Variants in DNAJC12 observed in about 807,000 individuals in gnomAD.
DNAJC12 encodes the protein DnaJ heat shock protein family (Hsp40) member C12.
In DNAJC12, 25 loss-of-function variants were observed where a neutral mutation model predicts 28.5. The ratio of observed to expected loss-of-function variants is 0.88; its 90% CI spans 0.64 to 1.22. The LOEUF is 1.22. Ranked by LOEUF, DNAJC12 falls within the 50% of genes most tolerant of loss-of-function variation. DNAJC12 has a pLI of 0.00. For missense variants in DNAJC12, 222 were observed against 231.7 expected (o/e 0.96, Z 0.27); for synonymous variants, 77 against 80.6 (o/e 0.95, Z 0.24).
At chr10:67,813,619 G>A (rs919021943) in intron 2 of DNAJC12, among the ~76,000 whole-genome samples, 3 of 150,448 alleles carry the variant, frequency 2.0e-5, no homozygotes, top group Admixed American at 6.6e-5. Flanking sequence ...TTAGTTGGGT[G>A]TGGTGGCAGG....
At chr10:67,802,153 T>G (rs1171491116) in intron 4 of DNAJC12, among the ~76,000 whole-genome samples, 1 of 152,124 alleles carries the variant, frequency 6.6e-6, no homozygotes, top group Non-Finnish European at 1.5e-5. Flanking sequence ...CCCAAGCCAC[T>G]GCAGCTGGCT....
In DNAJC12 at chr10:67,823,046, C is replaced by G. The variant is rs183501314; in HGVS notation, c.157+268G>C. ...AATATACTTAAGTTATGTTAACACT[C>G]AATAGCTGGTGAAATAAAGCATGAA... On this transcript the variant is annotated intron_variant, in intron 2 of 4. Transcript: ENST00000225171. 2.1e-3 allele frequency among the ~76,000 whole-genome samples: 312 copies of G among 151,676 alleles called. 1 individual carries two copies. The highest frequency in any genetic ancestry group is 7.2e-3 in the African/African-American group (300 of 41,410).
At chr10:67,807,260 CAA>C in intron 3 of DNAJC12, among the ~76,000 whole-genome samples, 1 of 135,366 alleles carries the variant, frequency 7.4e-6, no homozygotes, top group Non-Finnish European at 1.6e-5. Flanking sequence ...GATTCTGTCT[CAA>C]AAAAAAAAAG....
intron 1 of DNAJC12, among the ~76,000 whole-genome samples, chr10:67,836,499 A>T (rs969704772): frequency 2.6e-5 from 4 of 152,144 alleles, no homozygotes; most frequent in Non-Finnish European, 5.9e-5. Context: ...TATTCCTTTG[A>T]TTTTAAATTA....
intron 4 of DNAJC12, among the ~76,000 whole-genome samples, chr10:67,803,661 A>G (rs1841770519): frequency 6.6e-6 from 1 of 152,230 alleles, no homozygotes; most frequent in Admixed American, 6.5e-5. Flanking sequence ...TTTGGTGTGC[A>G]CAGACTTGGT....
chr10:67,825,680 T>C (rs1271505506), intron 1 of DNAJC12: 4 of 152,308 alleles, frequency 2.6e-5, no homozygotes, highest in African/African-American at 7.2e-5. Context: ...TCATCCTTAG[T>C]CAACTCTCAT....
At chr10:67,801,342 CATAA>C (rs751124979) in intron 4 of DNAJC12, among the ~76,000 whole-genome samples, 10 of 152,182 alleles carry the variant, frequency 6.6e-5, no homozygotes, top group Non-Finnish European at 1.0e-4. Context: ...AAAATGAAAT[CATAA>C]ATAATCATGC....
chr10:67,799,047 C>T (rs1053869540), intron 4 of DNAJC12, among the ~76,000 whole-genome samples: 1 of 152,122 alleles, frequency 6.6e-6, no homozygotes, highest in Non-Finnish European at 1.5e-5. Flanking sequence ...TTACAGGCGT[C>T]AGCCACCGTG....
chr10:67,828,339 C>G (rs763802270), intron 1 of DNAJC12, among the ~76,000 whole-genome samples: 1 of 152,106 alleles, frequency 6.6e-6, no homozygotes, highest in Non-Finnish European at 1.5e-5. Context: ...ATCTATCTCT[C>G]TATATGTAGA....
At chr10:67,828,759 T>A (rs1053211740) in intron 1 of DNAJC12, among the ~76,000 whole-genome samples, 1 of 151,968 alleles carries the variant, frequency 6.6e-6, no homozygotes, top group African/African-American at 2.4e-5. Flanking sequence ...ATTCTAGGAA[T>A]TTGTCTAAGG....
At chr10:67,817,093 A>G (rs181402468) in intron 2 of DNAJC12, among the ~76,000 whole-genome samples, 2 of 152,230 alleles carry the variant, frequency 1.3e-5, no homozygotes, top group African/African-American at 4.8e-5. Flanking sequence ...CATTACTTAT[A>G]AAAAGAGAAA....
chr10:67,797,815 C>T (rs371155007), intron 4 of DNAJC12, among the ~76,000 whole-genome samples: 1,536 of 151,936 alleles, frequency 0.01, 25 homozygotes, highest in African/African-American at 0.034. Context: ...CCAAGGCGGG[C>T]GGATCACGAG....
At position 67,805,729 on chromosome 10, in the gene DNAJC12, G is replaced by A. The variant is rs939594261; in HGVS notation, c.356C>T (p.Thr119Ile). The A allele has an allele frequency of 6.2e-7, 1 of 1,611,748 alleles. No individual in the cohort carries two copies. ...KDLMLEESDK[T>I]HTTKMENEEC... ...CTCATTTTCCATCTTGGTGGTATGAGTCTTGTCAGATTCTTCCAGCATCAG... is the reference window on the plus strand; with the variant it reads ...CTCATTTTCCATCTTGGTGGTATGAATCTTGTCAGATTCTTCCAGCATCAG... The change falls in exon 4 of 5, where the codon ACT becomes ATT. Residue 119 changes from threonine to isoleucine, a missense_variant. Physicochemically the swap from Thr to Ile is moderately conservative, Grantham distance 89. Transcript: ENST00000225171.
At chr10:67,833,068 G>A (rs1842109063) in intron 1 of DNAJC12, among the ~76,000 whole-genome samples, 1 of 152,132 alleles carries the variant, frequency 6.6e-6, no homozygotes, top group Non-Finnish European at 1.5e-5. Context: ...AGACAAAGAA[G>A]GTAGAAGAAA....
chr10:67,824,262 A>G (rs1181015579), intron 1 of DNAJC12, among the ~76,000 whole-genome samples: 1 of 151,658 alleles, frequency 6.6e-6, no homozygotes, highest in African/African-American at 2.4e-5. Flanking sequence ...AAATATTTAA[A>G]TACCCAAAAT....
Position 67,805,728 on chromosome 10 carries a change from A to G in DNAJC12, c.357T>C (p.Thr119=), listed in dbSNP as rs147865914. Residue 119 remains threonine (T), a synonymous_variant, in exon 4 of 5, where the codon ACT becomes ACC. Transcript: ENST00000225171. ...CCTCATTTTCCATCTTGGTGGTATG[A>G]GTCTTGTCAGATTCTTCCAGCATCA... is the stretch of plus-strand genomic sequence containing the variant. ...KDLMLEESDK[T]HTTKMENEEC... 6.2e-7 allele frequency: 1 copy of G among 1,611,688 alleles called. No individual in the cohort carries two copies. The highest frequency in any genetic ancestry group is 8.5e-7 in the Non-Finnish European group (1 of 1,179,478).
At chr10:67,835,781 C>G (rs1338195909) in intron 1 of DNAJC12, among the ~76,000 whole-genome samples, 1 of 150,910 alleles carries the variant, frequency 6.6e-6, no homozygotes, top group Non-Finnish European at 1.5e-5. Flanking sequence ...TTATGACAAA[C>G]ATTTCATTAA....
chr10:67,829,273 T>C (rs1418818167), intron 1 of DNAJC12, among the ~76,000 whole-genome samples: 3 of 152,122 alleles, frequency 2.0e-5, no homozygotes, highest in East Asian at 1.9e-4. Flanking sequence ...CCTGAAGCCT[T>C]AGAAACTCTT....
chr10:67,830,392 A>G (rs1842081123), intron 1 of DNAJC12, among the ~76,000 whole-genome samples: 2 of 151,700 alleles, frequency 1.3e-5, no homozygotes, highest in Non-Finnish European at 2.9e-5. Context: ...GCGGATCACG[A>G]GGTCAGGAGA....
Sources: allele counts gnomAD v4.1 joint callset (sites outside exome capture counted in the v4.1 genomes callset), GRCh38; gene constraint gnomAD v4.1.1; transcripts MANE v1.5; gene names NCBI Gene and HGNC (gene_info 2026-07-23, HGNC 2026-07-21).